CHST9: variants seen among roughly 807,000 people sequenced by gnomAD.
The protein encoded by CHST9 is carbohydrate sulfotransferase 9, also known as GalNAc-4-sulfotransferase 2.
CHST9 carries 41 observed loss-of-function variants against 44.4 expected under a neutral mutation model. The ratio of observed to expected loss-of-function variants is 0.92; its 90% CI spans 0.72 to 1.20. The LOEUF is 1.20. Among genes scored for constraint, CHST9 ranks in the 50% most tolerant of loss-of-function variants. CHST9 has a pLI of 0.00. For synonymous variants in CHST9, 171 were observed against 178.4 expected, an observed-to-expected ratio of 0.96 and a Z score of 0.33; for missense variants, 504 against 516.5, an observed-to-expected ratio of 0.98 and a Z score of 0.23.
chr18:26,965,657 C>T (rs892688934), intron 4 of CHST9, among the ~76,000 whole-genome samples: 6 of 152,198 alleles, frequency 3.9e-5, no homozygotes, highest in African/African-American at 1.4e-4. Flanking sequence ...GCTATGAAGA[C>T]TAAATGAATA....
intron 2 of CHST9, among the ~76,000 whole-genome samples, chr18:27,092,069 G>A (rs554811706): frequency 5.3e-5 from 8 of 151,712 alleles, no homozygotes; most frequent in Admixed American, 2.6e-4. Context: ...TGAATCTGTC[G>A]TCCTGGACTT....
chr18:26,924,428 G>A, intron 5 of CHST9: 1 of 156,576 alleles, frequency 6.4e-6, no homozygotes, highest in South Asian at 2.0e-4. Flanking sequence ...GCTGGAGGTA[G>A]ATAGCAGGAC....
chr18:26,976,513 G>A (rs1318328929), intron 4 of CHST9, among the ~76,000 whole-genome samples: 5 of 152,084 alleles, frequency 3.3e-5, no homozygotes, highest in Admixed American at 6.6e-5. Flanking sequence ...ATTAGGAAGC[G>A]ATTTTGCTTT....
chr18:27,112,093 C>T (rs988841182), intron 2 of CHST9, among the ~76,000 whole-genome samples: 25 of 147,702 alleles, frequency 1.7e-4, no homozygotes, highest in East Asian at 7.8e-4. Context: ...TTTACATATG[C>T]GTATAAATAT....
At chr18:27,126,297 C>A (rs2058423123) in intron 2 of CHST9, among the ~76,000 whole-genome samples, 1 of 152,216 alleles carries the variant, frequency 6.6e-6, no homozygotes, top group South Asian at 2.1e-4. Context: ...CAAAATCCTA[C>A]CAGTTGTGGC....
chr18:27,000,004 T>C (rs1598627219), intron 4 of CHST9, among the ~76,000 whole-genome samples: 1 of 152,332 alleles, frequency 6.6e-6, no homozygotes, highest in Middle Eastern at 3.4e-3. Flanking sequence ...AACCACGTAA[T>C]AAAAATGCAA....
At chr18:26,941,258 C>T (rs937087240) in intron 5 of CHST9, among the ~76,000 whole-genome samples, 15 of 152,142 alleles carry the variant, frequency 9.9e-5, no homozygotes, top group African/African-American at 3.6e-4. Context: ...ACAGCATAGA[C>T]ATCCTCTGCA....
chr18:26,921,859 T>G (rs1180430155), intron 5 of CHST9, among the ~76,000 whole-genome samples: 1 of 152,208 alleles, frequency 6.6e-6, no homozygotes, highest in Non-Finnish European at 1.5e-5. Flanking sequence ...AAGGTCCTAT[T>G]ACTTTCCTGT....
At chr18:27,126,647 C>T (rs1389816939) in intron 2 of CHST9, among the ~76,000 whole-genome samples, 1 of 152,022 alleles carries the variant, frequency 6.6e-6, no homozygotes, top group Non-Finnish European at 1.5e-5. Context: ...TAGGCAGAGG[C>T]CACATCATGA....
At chr18:26,922,233 G>C (rs1267091186) in intron 5 of CHST9, among the ~76,000 whole-genome samples, 1 of 152,008 alleles carries the variant, frequency 6.6e-6, no homozygotes, top group Non-Finnish European at 1.5e-5. Flanking sequence ...CCAACTCATG[G>C]TCTCCTCCTT....
chr18:27,014,453 C>CAAAAAAAAAAAAAAAAAA lies in CHST9; in HGVS notation c.202+9645_202+9662dup, dbSNP rs57437876. Among the ~76,000 whole-genome samples the CAAAAAAAAAAAAAAAAAA allele has an allele frequency of 1.0e-4, 4 of 39,438 alleles. 1 individual carries two copies. Among genetic ancestry groups the CAAAAAAAAAAAAAAAAAA allele is most frequent in the Non-Finnish European group, 1.2e-4 (3 of 24,030 alleles). The allele number at this position is 39,438 out of a possible 152,430, so 25.9% of individuals were successfully genotyped here. On this transcript the variant is annotated intron_variant, in intron 4 of 5. Transcript: ENST00000618847. ...TGGGCGACAGAGCGAGACTCTGTCT[C>CAAAAAAAAAAAAAAAAAA]AAAAAAAAAAAAAAAAAAAAAAAAA... is the stretch of plus-strand genomic sequence containing the variant.
At chr18:27,182,915 G>A (rs1043701385) in intron 1 of CHST9, among the ~76,000 whole-genome samples, 1 of 152,150 alleles carries the variant, frequency 6.6e-6, no homozygotes, top group Non-Finnish European at 1.5e-5. Flanking sequence ...GAGTAAGTTA[G>A]TCTCTTATTT....
At chr18:26,967,122 C>G (rs1190783823) in intron 4 of CHST9, among the ~76,000 whole-genome samples, 1 of 152,046 alleles carries the variant, frequency 6.6e-6, no homozygotes, top group Non-Finnish European at 1.5e-5. Context: ...TCATGAAAGA[C>G]GTTTCCAATA....
At chr18:27,090,781 C>A (rs1177591796) in intron 2 of CHST9, among the ~76,000 whole-genome samples, 11 of 152,066 alleles carry the variant, frequency 7.2e-5, no homozygotes, top group Admixed American at 7.2e-4. Flanking sequence ...TTTCTGAGGC[C>A]TCTGTTCTGT....
At chr18:27,110,142 C>CTTT (rs71171618) in intron 2 of CHST9, among the ~76,000 whole-genome samples, 1 of 143,560 alleles carries the variant, frequency 7.0e-6, no homozygotes, top group Non-Finnish European at 1.5e-5. Context: ...TTAGCCCAGT[C>CTTT]TTTTTTTTTT....
intron 4 of CHST9, among the ~76,000 whole-genome samples, chr18:26,956,561 T>C (rs1291555460): frequency 6.6e-6 from 1 of 151,586 alleles, no homozygotes; most frequent in African/African-American, 2.4e-5. Context: ...CTAATGATAA[T>C]GTTTGTCTCT....
intron 3 of CHST9, among the ~76,000 whole-genome samples, chr18:27,037,444 C>T (rs1269186331): frequency 6.6e-6 from 1 of 152,150 alleles, no homozygotes; most frequent in Non-Finnish European, 1.5e-5. Context: ...AATCTCAGCA[C>T]TTTCGGAGGC....
chr18:26,972,871 T>A (rs1169151099), intron 4 of CHST9, among the ~76,000 whole-genome samples: 1 of 152,146 alleles, frequency 6.6e-6, no homozygotes, highest in Non-Finnish European at 1.5e-5. Context: ...CAACACTGCG[T>A]GGCACTAAGA....
At chr18:27,027,551 T>A (rs1209835845) in intron 3 of CHST9, among the ~76,000 whole-genome samples, 1 of 152,232 alleles carries the variant, frequency 6.6e-6, no homozygotes, top group Non-Finnish European at 1.5e-5. Flanking sequence ...ATCGCCTGGA[T>A]GCGCCATTAT....
Sources: allele counts gnomAD v4.1 joint callset (sites outside exome capture counted in the v4.1 genomes callset), GRCh38; gene constraint gnomAD v4.1.1; transcripts MANE v1.5; gene names NCBI Gene and HGNC (gene_info 2026-07-23, HGNC 2026-07-21).